HECTD4: variants seen among roughly 807,000 people sequenced by gnomAD.
HECTD4 encodes the protein probable E3 ubiquitin-protein ligase HECTD4.
Under a neutral mutation model 471.5 loss-of-function variants are expected in HECTD4, and 114 were observed. The observed-to-expected ratio is 0.24, with a 90% CI of 0.21 to 0.28. The LOEUF is 0.28. Among genes scored for constraint, HECTD4 ranks in the 10% least tolerant of loss-of-function variants. HECTD4 has a pLI of 1.00. For synonymous variants in HECTD4, 2,012 were observed against 2,256.0 expected, an observed-to-expected ratio of 0.89 and a Z score of 3.07; for missense variants, 3,866 against 5,651.5, an observed-to-expected ratio of 0.68 and a Z score of 10.13.
intron 44 of HECTD4, among the ~76,000 whole-genome samples, chr12:112,221,911 T>A (rs1187672348): frequency 1.3e-5 from 2 of 148,878 alleles, no homozygotes; most frequent in Non-Finnish European, 3.0e-5. Context: ...CTCGCCCCCA[T>A]GCTCGGCTGA....
intron 1 of HECTD4, among the ~76,000 whole-genome samples, chr12:112,331,813 T>C (rs1045754605): frequency 6.6e-6 from 1 of 152,184 alleles, no homozygotes; most frequent in African/African-American, 2.4e-5. Context: ...CAAAAGCTAA[T>C]GCAATCTTAG....
In HECTD4 at chr12:112,193,107, A is replaced by G; in HGVS notation, c.9040T>C (p.Phe3014Leu). The G allele has an allele frequency of 6.2e-7, 1 of 1,613,864 alleles. No individual in the cohort carries two copies. Among genetic ancestry groups the G allele is most frequent in the Non-Finnish European group, 8.5e-7 (1 of 1,179,858 alleles). Residue 3014 changes from phenylalanine (F) to leucine (L), a missense_variant, in exon 58 of 76, where the codon TTT becomes CTT. Phe to Leu is a conservative substitution (Grantham distance 22). Transcript: ENST00000682272. This position sits in a 1 kb window ranked among gnomAD's most constrained non-coding sequence, Gnocchi z 5.2. ...CTTTCTTTACAAGACACAACAACAA[A>G]AGCTGCCCCGGGGAAATTCACGTCC... is the stretch of plus-strand genomic sequence containing the variant. ...NMDVNFPGAA[F>L]VVVSCKESQS...
In HECTD4 at chr12:112,252,542, G is replaced by T; in HGVS notation, c.3448-14C>A. On this transcript the variant is annotated splice_polypyrimidine_tract_variant and intron_variant, in intron 22 of 75. Transcript: ENST00000682272. The stretch of plus-strand genomic sequence containing the variant: ...ATCTCCTTCCACCTTAAAATTTAAG[G>T]AAGGGGGGGAAATGCACTTTAAAAA... 1 of 1,603,070 alleles carries T rather than the reference G, an allele frequency of 6.2e-7. No individual in the cohort carries two copies. Among genetic ancestry groups the T allele is most frequent in the Non-Finnish European group, 8.5e-7 (1 of 1,176,314 alleles).
At chr12:112,216,113 G>A (rs1039768017) in intron 48 of HECTD4, among the ~76,000 whole-genome samples, 179 bp downstream of exon 48, 3 of 152,198 alleles carry the variant, frequency 2.0e-5, no homozygotes, top group South Asian at 2.1e-4. Flanking sequence ...CTCTAATGGC[G>A]AGGGCTCATA....
In HECTD4 at chr12:112,258,614, C is replaced by CTA; in HGVS notation, c.3028-19_3028-18insTA. The stretch of plus-strand genomic sequence containing the variant: ...AACGCCGTCTGAAACACAAAACCAT[C>CTA]ATTATGTCTTCCAGGGCTACTGTCA... On this transcript the variant is annotated intron_variant, in intron 19 of 75. Coordinates refer to ENST00000682272, the MANE Select transcript of HECTD4 (RefSeq NM_001388303.1). The CTA allele has an allele frequency of 1.3e-6, 2 of 1,581,304 alleles. No homozygotes were observed. The highest frequency in any genetic ancestry group is 1.7e-6 in the Non-Finnish European group (2 of 1,166,444).
intron 1 of HECTD4, among the ~76,000 whole-genome samples, chr12:112,350,380 A>G (rs1019476578): frequency 1.3e-5 from 2 of 152,230 alleles, no homozygotes; most frequent in Admixed American, 6.5e-5. Flanking sequence ...TATCAGAAAT[A>G]ATATTATTTT....
chr12:112,193,224 G>A lies in HECTD4; in HGVS notation c.8956-33C>T, dbSNP rs1241225120. ...GAGACACTGAATAAGGAAAGCCACGGGCTAAACACAGGGACAGCATTTCAT... is the reference window on the plus strand; with the variant it reads ...GAGACACTGAATAAGGAAAGCCACGAGCTAAACACAGGGACAGCATTTCAT... On this transcript the variant is annotated intron_variant, in intron 57 of 75. Transcript: ENST00000682272. The surrounding 1 kb of genome is among the most constrained non-coding windows in gnomAD (Gnocchi z 5.2). The A allele has an allele frequency of 6.2e-7, 1 of 1,609,950 alleles. No individual in the cohort carries two copies. Among genetic ancestry groups the A allele is most frequent in the Non-Finnish European group, 8.5e-7 (1 of 1,178,008 alleles).
chr12:112,167,713 G>A, intron 71 of HECTD4, 101 bp downstream of exon 71: 1 of 1,188,738 alleles, frequency 8.4e-7, no homozygotes, highest in Non-Finnish European at 1.2e-6. Context: ...GAGGGTTTCT[G>A]AAACGGTTTG....
At chr12:112,369,875 T>C (rs997623688) in intron 1 of HECTD4, among the ~76,000 whole-genome samples, 1 of 152,154 alleles carries the variant, frequency 6.6e-6, no homozygotes, top group Non-Finnish European at 1.5e-5. Context: ...AGGACTGTTT[T>C]TAAGAGTGAA....
chr12:112,309,235 TAAG>T (rs908025953), intron 5 of HECTD4, among the ~76,000 whole-genome samples: 92 of 152,316 alleles, frequency 6.0e-4, no homozygotes, highest in African/African-American at 2.2e-3. Flanking sequence ...CAAAGAGACT[TAAG>T]TAGAAAAATG....
chr12:112,374,352 G>C (rs763839743), intron 1 of HECTD4, among the ~76,000 whole-genome samples: 1 of 152,128 alleles, frequency 6.6e-6, no homozygotes, highest in South Asian at 2.1e-4. Context: ...AAAAGGTATG[G>C]AATTTGCCCA....
chr12:112,184,712 G>A lies in HECTD4; in HGVS notation c.10254C>T (p.Arg3418=). 2 of 1,613,370 alleles carry A rather than the reference G, an allele frequency of 1.2e-6. No individual in the cohort carries two copies. Among genetic ancestry groups the A allele is most frequent in the Middle Eastern group, 1.7e-4 (1 of 6,056 alleles). ...LDEGVVRGAI[R]KACNAHGGVF... is the part of the protein sequence containing the mutation. ...CCCCGCCGTGGGCGTTGCAGGCCTT[G>A]CGGATGGCGCCTCTGACTACGCCCT... Residue 3418 remains arginine (R), a synonymous_variant, in exon 61 of 76, where the codon CGC becomes CGT. Coordinates refer to ENST00000682272, the MANE Select transcript of HECTD4 (RefSeq NM_001388303.1). This position sits in a 1 kb window ranked among gnomAD's most constrained non-coding sequence, Gnocchi z 9.1.
chr12:112,170,614 G>GC (rs1164655446), intron 68 of HECTD4, 162 bp from the exon 69 acceptor site: 2 of 773,286 alleles, frequency 2.6e-6, no homozygotes, highest in African/African-American at 1.7e-5. Flanking sequence ...CATCCGCCCA[G>GC]CATATACCCT....
Position 112,193,887 on chromosome 12 carries a change from C to T in HECTD4, c.8750-213G>A, listed in dbSNP as rs942030969. On this transcript the variant is annotated intron_variant, in intron 56 of 75. Coordinates refer to ENST00000682272, the MANE Select transcript of HECTD4 (RefSeq NM_001388303.1). The surrounding 1 kb of genome is among the most constrained non-coding windows in gnomAD (Gnocchi z 5.2). The stretch of plus-strand genomic sequence containing the variant: ...GAGATCAATGGGCTTCATACTTTTG[C>T]TTTCTTTTCAGCTGTGAAACTGTTG... Among the ~76,000 whole-genome samples, 1 of 152,142 alleles carries T rather than the reference C, an allele frequency of 6.6e-6. No homozygotes were observed. The highest frequency in any genetic ancestry group is 6.5e-5 in the Admixed American group (1 of 15,272).
At chr12:112,168,319 C>A (rs1374747618) in intron 70 of HECTD4, among the ~76,000 whole-genome samples, 1 of 152,246 alleles carries the variant, frequency 6.6e-6, no homozygotes, top group East Asian at 1.9e-4. Context: ...AGGCTGAGGG[C>A]AGGACCACCT....
chr12:112,235,668 C>G lies in HECTD4; in HGVS notation c.5561G>C (p.Arg1854Pro). ...TACGCTCATCAGGGGCAGCGCCGCC[C>G]GGCACAGCTGGAGAATAATAAGGAC... ...KLVLIILQLC[R>P]AALPLMSVED... The change falls in exon 36 of 76, where the codon CGG becomes CCG. Residue 1854 changes from arginine (R) to proline (P), a missense_variant. Arg to Pro is a moderately radical substitution (Grantham distance 103). Transcript: ENST00000682272. The surrounding 1 kb of genome is among the most constrained non-coding windows in gnomAD (Gnocchi z 5.0). 1 of 1,613,964 alleles carries G rather than the reference C, an allele frequency of 6.2e-7. No individual in the cohort carries two copies. Among genetic ancestry groups the G allele is most frequent in the Non-Finnish European group, 8.5e-7 (1 of 1,179,894 alleles).
At position 112,320,348 on chromosome 12, in the gene HECTD4, C is replaced by CA. The variant is rs549437717; in HGVS notation, c.178-607dup. Among the ~76,000 whole-genome samples the CA allele has an allele frequency of 9.9e-3, 1,468 of 148,472 alleles. 17 individuals carry two copies. The highest frequency in any genetic ancestry group is 0.033 in the South Asian group (154 of 4,678). On this transcript the variant is annotated intron_variant, in intron 1 of 75. Transcript: ENST00000682272. ...GACCCTGTCTCAAAAAATAATACTA[C>CA]AAAAAAAAAGGAAAAAAATTGAAGC...
At chr12:112,366,811 C>T (rs1405367989) in intron 1 of HECTD4, among the ~76,000 whole-genome samples, 1 of 145,302 alleles carries the variant, frequency 6.9e-6, no homozygotes, top group African/African-American at 2.6e-5. Context: ...ACCCAGGAGG[C>T]GGAGGTTGCA....
In HECTD4 at chr12:112,235,608, C is replaced by A; in HGVS notation, c.5621G>T (p.Ser1874Ile). The change falls in exon 36 of 76, where the codon AGC becomes ATC. Residue 1874 changes from serine (S) to isoleucine (I), a missense_variant. Around this residue, in one of 16 missense-constraint regions of HECTD4, gnomAD observed 617 missense variants for 915.1 expected, o/e 0.67. Transcript: ENST00000682272. The surrounding 1 kb of genome is among the most constrained non-coding windows in gnomAD (Gnocchi z 5.0). ...DCGNVELPPWSYSVPSLNSEQ... is the reference protein window; with the variant it reads ...DCGNVELPPWIYSVPSLNSEQ... ...ACTGTTTAAGGAGGGGACAGAGTAG[C>A]TCCAGGGTGGGAGCTCCACGTTTCC... is the stretch of plus-strand genomic sequence containing the variant. 1.2e-6 allele frequency: 2 copies of A among 1,614,032 alleles called. No individual in the cohort carries two copies. The highest frequency in any genetic ancestry group is 2.2e-5 in the South Asian group (2 of 91,082).
Sources: gnomAD v4.1 joint callset for allele counts (sites outside exome capture counted in the v4.1 genomes callset) on GRCh38, gnomAD v4.1.1 for gene constraint, gnomAD v4.1.1 regional missense constraint, Gnocchi (gnomAD v3.1) non-coding constraint, MANE v1.5 for transcripts, NCBI Gene and HGNC (gene_info 2026-07-23, HGNC 2026-07-21) for gene names.